The following KDM2A variants were observed in gnomAD, a reference collection of about 807,000 sequenced individuals.
KDM2A encodes lysine demethylase 2A, also known as lysine-specific demethylase 2A.
KDM2A carries 3 observed loss-of-function variants against 137.3 expected under a neutral mutation model. The ratio of observed to expected loss-of-function variants is 0.02; its 90% CI spans 0.01 to 0.06. The LOEUF (loss-of-function observed/expected upper bound fraction) is 0.06, where lower values mean the gene tolerates loss of function less well. Among genes scored for constraint, KDM2A ranks in the 10% least tolerant of loss-of-function variants. The pLI is 1.00. For missense variants in KDM2A, 738 were observed against 1,510.6 expected (o/e 0.49, Z 8.48); for synonymous variants, 512 against 541.5 (o/e 0.95, Z 0.76).
rs574090400 is a variant in KDM2A at position 67,226,448 on chromosome 11, C to T, written c.958-1589C>T. The stretch of plus-strand genomic sequence containing the variant: ...AAAATCAATCAGATTTCCAGCCAGG[C>T]GCAGTGGCTCACGCCTGTAATCCCA... On this transcript the variant is annotated intron_variant, in intron 10 of 20. Coordinates refer to ENST00000529006, the MANE Select transcript of KDM2A (RefSeq NM_012308.3). Among the ~76,000 whole-genome samples, 14 of 152,212 alleles carry T rather than the reference C, an allele frequency of 9.2e-5. No homozygotes were observed. In the South Asian group the frequency reaches 1.2e-3, roughly 14 times the overall value.
intron 2 of KDM2A, among the ~76,000 whole-genome samples, chr11:67,176,995 C>T (rs544544475): frequency 3.3e-5 from 5 of 152,060 alleles, no homozygotes; most frequent in East Asian, 1.9e-4. Flanking sequence ...CGGTGGCTCA[C>T]GCCTGTAATC....
Position 67,215,004 on chromosome 11 carries a change from A to C in KDM2A, c.487-336A>C, listed in dbSNP as rs149448996. Among the ~76,000 whole-genome samples the C allele has an allele frequency of 2.6e-3, 390 of 152,194 alleles. 11 individuals carry two copies. The East Asian group carries it at 0.065, about 25-fold the overall frequency. ...AGATACCTTCCAGACAACACCTTTT[A>C]TTGGATTAAAAAATAAAACAAATTA... is the stretch of plus-strand genomic sequence containing the variant. On this transcript the variant is annotated intron_variant, in intron 6 of 20. Coordinates refer to ENST00000529006, the MANE Select transcript of KDM2A (RefSeq NM_012308.3).
chr11:67,178,009 C>G (rs570617731), intron 2 of KDM2A, among the ~76,000 whole-genome samples: 1 of 152,312 alleles, frequency 6.6e-6, no homozygotes, highest in East Asian at 1.9e-4. Context: ...TGTCATTATA[C>G]TGTGCATGAC....
At chr11:67,167,710 T>G (rs1394325922) in intron 2 of KDM2A, among the ~76,000 whole-genome samples, 3 of 152,138 alleles carry the variant, frequency 2.0e-5, no homozygotes, top group Non-Finnish European at 4.4e-5. Context: ...ATTATCTGGT[T>G]GTTGGAATTA....
intron 16 of KDM2A, chr11:67,248,683 A>G (rs1317765239): frequency 3.3e-6 from 1 of 307,342 alleles, no homozygotes; most frequent in African/African-American, 2.2e-5. Flanking sequence ...TTAGGTGAGT[A>G]TGATCCCTCC....
At chr11:67,234,490 C>CT (rs942468115) in intron 12 of KDM2A, among the ~76,000 whole-genome samples, 1 of 152,120 alleles carries the variant, frequency 6.6e-6, no homozygotes, top group African/African-American at 2.4e-5. Context: ...GATAAAAGGG[C>CT]TTTTTTTAGG....
intron 5 of KDM2A, among the ~76,000 whole-genome samples, chr11:67,206,529 G>A (rs1857809992): frequency 6.6e-6 from 1 of 152,216 alleles, no homozygotes; most frequent in Non-Finnish European, 1.5e-5. Context: ...CTGAGCTCAG[G>A]AGTTGGAGGC....
Position 67,254,125 on chromosome 11 carries a change from A to G in KDM2A, c.3092-78A>G. ...CTTCAAGGGGGCCTGGCCAGCAAGTAGCTGTTGCTGCCTGGAGCCTTGAAG... is the reference window on the plus strand; with the variant it reads ...CTTCAAGGGGGCCTGGCCAGCAAGTGGCTGTTGCTGCCTGGAGCCTTGAAG... On this transcript the variant is annotated intron_variant, in intron 19 of 20. Transcript: ENST00000529006. The surrounding 1 kb of genome is among the most constrained non-coding windows in gnomAD (Gnocchi z 4.7). The G allele has an allele frequency of 7.6e-7, 1 of 1,318,008 alleles. No individual in the cohort carries two copies. The highest frequency in any genetic ancestry group is 1.1e-6 in the Non-Finnish European group (1 of 949,278). The allele number at this position is 1,318,008 out of a possible 1,614,324, so 81.6% of individuals were successfully genotyped here. A position where few individuals can be genotyped will look rare whatever the true frequency, so the allele number is the denominator to read the frequency against.
At chr11:67,169,759 C>CTCTCTT (rs756503460) in intron 2 of KDM2A, among the ~76,000 whole-genome samples, 3 of 65,696 alleles carry the variant, frequency 4.6e-5, no homozygotes, top group Admixed American at 2.3e-4. Flanking sequence ...CTCTCTCTCT[C>CTCTCTT]TTTTTTTTTT....
intron 11 of KDM2A, among the ~76,000 whole-genome samples, 161 bp from the exon 12 acceptor site, chr11:67,231,405 T>C (rs1237757050): frequency 6.6e-6 from 1 of 152,204 alleles, no homozygotes; most frequent in Non-Finnish European, 1.5e-5. Flanking sequence ...ACTGTGATTT[T>C]GAACAGTGGA....
intron 2 of KDM2A, among the ~76,000 whole-genome samples, chr11:67,170,049 C>T (rs984237436): frequency 1.3e-5 from 2 of 152,082 alleles, no homozygotes; most frequent in Non-Finnish European, 2.9e-5. Flanking sequence ...AGTCACCATG[C>T]CTGGCCCACA....
chr11:67,224,735 G>A (rs1858480803), intron 10 of KDM2A, among the ~76,000 whole-genome samples: 1 of 151,152 alleles, frequency 6.6e-6, no homozygotes, highest in Admixed American at 6.6e-5. Context: ...CAAAGTGCTG[G>A]GATTGCAGGC....
intron 2 of KDM2A, among the ~76,000 whole-genome samples, chr11:67,158,550 A>G (rs1856570024): frequency 6.6e-6 from 1 of 152,052 alleles, no homozygotes; most frequent in Non-Finnish European, 1.5e-5. Context: ...TTGTTGCTTT[A>G]CCTCCTTGCC....
intron 2 of KDM2A, among the ~76,000 whole-genome samples, chr11:67,173,517 A>T (rs754731952): frequency 2.0e-5 from 3 of 151,814 alleles, no homozygotes; most frequent in Non-Finnish European, 4.4e-5. Flanking sequence ...TTGGCCTCCC[A>T]TTGTGCTGGG....
intron 16 of KDM2A, among the ~76,000 whole-genome samples, chr11:67,249,433 A>G (rs1490305731): frequency 6.6e-6 from 1 of 152,242 alleles, no homozygotes; most frequent in African/African-American, 2.4e-5. Flanking sequence ...GTCTCCTTGC[A>G]AAAAACCTGA....
At chr11:67,221,678 C>T (rs1415333957) in intron 10 of KDM2A, among the ~76,000 whole-genome samples, 2 of 152,114 alleles carry the variant, frequency 1.3e-5, no homozygotes, top group Non-Finnish European at 2.9e-5. Context: ...TTAAGAGTAA[C>T]AAAAGTACAG....
intron 2 of KDM2A, among the ~76,000 whole-genome samples, chr11:67,122,456 A>G (rs567139433): frequency 1.3e-5 from 2 of 151,938 alleles, no homozygotes; most frequent in South Asian, 4.2e-4. Context: ...CCTTGCAAGT[A>G]GCTGGGACTG....
chr11:67,183,458 C>T (rs1857132985), intron 5 of KDM2A, among the ~76,000 whole-genome samples: 1 of 152,188 alleles, frequency 6.6e-6, no homozygotes, highest in South Asian at 2.1e-4. Context: ...AGGAAGATGG[C>T]AGAGTAGCAA....
chr11:67,161,568 C>T (rs1039356566), intron 2 of KDM2A, among the ~76,000 whole-genome samples: 6 of 152,178 alleles, frequency 3.9e-5, no homozygotes, highest in African/African-American at 1.2e-4. Flanking sequence ...GTGGTATTTA[C>T]TCATAGTGTG....
Sources: allele counts gnomAD v4.1 joint callset (sites outside exome capture counted in the v4.1 genomes callset), GRCh38; gene constraint gnomAD v4.1.1; non-coding constraint Gnocchi (gnomAD v3.1); transcripts MANE v1.5; gene names NCBI Gene and HGNC (gene_info 2026-07-23, HGNC 2026-07-21).